Variants in VDAC2 observed in about 807,000 individuals in gnomAD.
VDAC2 encodes non-selective voltage-gated ion channel VDAC2.
VDAC2 carries 6 observed loss-of-function variants against 36.6 expected under a neutral mutation model. The ratio of observed to expected loss-of-function variants is 0.16; its 90% CI spans 0.09 to 0.32. The LOEUF (loss-of-function observed/expected upper bound fraction) is 0.32. Ranked by LOEUF, VDAC2 falls within the 10% of genes least tolerant of loss-of-function variation. VDAC2 has a pLI of 1.00. For synonymous variants in VDAC2, 109 were observed against 123.8 expected (o/e 0.88, Z 0.79); for missense variants, 247 against 346.0 (o/e 0.71, Z 2.27).
intron 4 of VDAC2, among the ~76,000 whole-genome samples, 173 bp from the exon 5 acceptor site, chr10:75,218,890 T>C (rs1053874977): frequency 2.6e-5 from 4 of 152,186 alleles, no homozygotes; most frequent in African/African-American, 7.2e-5. Flanking sequence ...GTCACTCTTA[T>C]ATATGCTTAG....
intron 8 of VDAC2, among the ~76,000 whole-genome samples, chr10:75,224,700 T>G (rs1841906181): frequency 6.6e-6 from 1 of 152,186 alleles, no homozygotes; most frequent in Admixed American, 6.5e-5. Context: ...GATTGTACCT[T>G]GATGCTAGAC....
At chr10:75,226,374 T>C (rs1841951790) in intron 8 of VDAC2, among the ~76,000 whole-genome samples, 1 of 152,006 alleles carries the variant, frequency 6.6e-6, no homozygotes, top group African/African-American at 2.4e-5. Context: ...GAGTGTATTT[T>C]GTTGAGATAT....
At chr10:75,211,378 A>G in intron 2 of VDAC2, 189 bp downstream of exon 2, 1 of 1,398,658 alleles carries the variant, frequency 7.1e-7, no homozygotes, top group East Asian at 2.6e-5. Flanking sequence ...ATGGGGAACA[A>G]GGCCCGGGGA....
Position 75,231,318 on chromosome 10 carries a change from A to G in VDAC2, c.*329A>G, listed in dbSNP as rs761599349. The stretch of plus-strand genomic sequence containing the variant: ...TTGTTTTTATGTTCCTTTAGAAAAC[A>G]TTGACTGTTACCATTGAATGAGATG... On this transcript the variant is annotated 3_prime_UTR_variant, in exon 10 of 10. Transcript: ENST00000332211. 26 of 185,892 alleles carry G rather than the reference A, an allele frequency of 1.4e-4. No individual in the cohort carries two copies. Among genetic ancestry groups the G allele is most frequent in the Non-Finnish European group, 2.8e-4 (25 of 88,416 alleles). The allele number at this position is 185,892 out of a possible 1,614,324, so 11.5% of individuals were successfully genotyped here.
At chr10:75,216,202 A>C (rs1383258270) in intron 4 of VDAC2, among the ~76,000 whole-genome samples, 1 of 152,182 alleles carries the variant, frequency 6.6e-6, no homozygotes, top group Non-Finnish European at 1.5e-5. Context: ...TGAGGCCCCT[A>C]GTGTATTTGT....
intron 4 of VDAC2, among the ~76,000 whole-genome samples, chr10:75,215,597 C>T (rs1841576857): frequency 6.6e-6 from 1 of 151,404 alleles, no homozygotes; most frequent in African/African-American, 2.4e-5. Context: ...CATGATCTGC[C>T]CACCTCGGGC....
intron 4 of VDAC2, 81 bp from the exon 5 acceptor site, chr10:75,218,982 T>TTGTGTG: frequency 1.5e-6 from 2 of 1,373,060 alleles, no homozygotes; most frequent in Non-Finnish European, 2.0e-6. Flanking sequence ...TTCAGGGGGT[T>TTGTGTG]TGTGTGTGTG....
chr10:75,230,869 TTTG>T lies in VDAC2; in HGVS notation c.794-26_794-24del, dbSNP rs372784125. 4 of 1,601,372 alleles carry T rather than the reference TTTG, an allele frequency of 2.5e-6. No homozygotes were observed. In the African/African-American group the frequency reaches 5.4e-5, roughly 22 times the overall value. On this transcript the variant is annotated intron_variant, in intron 9 of 9. Transcript: ENST00000332211. ...TGACGTGCCAGGTACATCACGGTTT[TTTG>T]TTTTTGTGTTTTTTTGTCTTAATAG...
At position 75,220,803 on chromosome 10, in the gene VDAC2, T is replaced by G; in HGVS notation, c.417T>G (p.Asp139Glu). ...YKRECINLGC[D>E]VDFDFAGPAI... ...GGGAGTGTATAAACCTTGGTTGTGA[T>G]GTTGACTTTGATTTTGCTGGACCTG... The change falls in exon 7 of 10, where the codon GAT becomes GAG. Residue 139 changes from aspartate to glutamate, a missense_variant. Coordinates refer to ENST00000332211, the MANE Select transcript of VDAC2 (RefSeq NM_001391963.1). 1 of 1,613,454 alleles carries G rather than the reference T, an allele frequency of 6.2e-7. No individual in the cohort carries two copies. The highest frequency in any genetic ancestry group is 8.5e-7 in the Non-Finnish European group (1 of 1,179,534).
intron 2 of VDAC2, 97 bp from the exon 3 acceptor site, chr10:75,212,133 G>A: frequency 9.3e-7 from 1 of 1,071,788 alleles, no homozygotes; most frequent in East Asian, 2.5e-5. Context: ...AAATGGGATT[G>A]CTTGAATTTT....
chr10:75,211,461 T>C, intron 2 of VDAC2: 3 of 1,502,744 alleles, frequency 2.0e-6, no homozygotes, highest in Non-Finnish European at 8.9e-7. Flanking sequence ...AAGTTGTTAA[T>C]TGGGGATTCT....
intron 8 of VDAC2, among the ~76,000 whole-genome samples, chr10:75,227,810 C>T (rs1842001706): frequency 6.6e-6 from 1 of 151,166 alleles, no homozygotes; most frequent in Admixed American, 6.6e-5. Flanking sequence ...TGGTCTTGAA[C>T]TCCTGACCTT....
chr10:75,212,937 T>G (rs1841474107), intron 3 of VDAC2, among the ~76,000 whole-genome samples: 1 of 152,188 alleles, frequency 6.6e-6, no homozygotes, highest in African/African-American at 2.4e-5. Context: ...TCCTAATACT[T>G]TATCTAGAGT....
intron 8 of VDAC2, among the ~76,000 whole-genome samples, chr10:75,227,511 C>T (rs1196082978): frequency 6.7e-6 from 1 of 150,016 alleles, no homozygotes; most frequent in Non-Finnish European, 1.5e-5. Context: ...GAGGGAGAAA[C>T]TGAGTTTATT....
chr10:75,227,928 T>C (rs1399588032), intron 8 of VDAC2, among the ~76,000 whole-genome samples: 2 of 148,640 alleles, frequency 1.3e-5, no homozygotes, highest in Non-Finnish European at 3.0e-5. Context: ...GGAGTCTCGC[T>C]CAGTAGCCCA....
At chr10:75,222,942 C>T (rs1337451099) in intron 8 of VDAC2, among the ~76,000 whole-genome samples, 1 of 151,486 alleles carries the variant, frequency 6.6e-6, no homozygotes, top group Non-Finnish European at 1.5e-5. Flanking sequence ...TAGGCATGAG[C>T]CACTGCACCT....
intron 4 of VDAC2, chr10:75,218,193 G>A: frequency 1.2e-5 from 4 of 330,976 alleles, no homozygotes; most frequent in South Asian, 9.4e-5. Context: ...GTCTCACTGT[G>A]TCACCCATGC....
At chr10:75,229,832 C>T in intron 9 of VDAC2, 131 bp downstream of exon 9, 1 of 596,748 alleles carries the variant, frequency 1.7e-6, no homozygotes. Context: ...TACGTGTTTA[C>T]CTTTTACCAC....
At chr10:75,211,745 TTTAAATTCCCAGTA>T in intron 2 of VDAC2, 8 of 1,480,292 alleles carry the variant, frequency 5.4e-6, no homozygotes, top group Non-Finnish European at 7.4e-6. Context: ...AGTTTCAATA[TTTAAATTCCCAGTA>T]TTAAATTCTC....
Sources: allele counts gnomAD v4.1 joint callset (sites outside exome capture counted in the v4.1 genomes callset), GRCh38; gene constraint gnomAD v4.1.1; transcripts MANE v1.5; gene names NCBI Gene and HGNC (gene_info 2026-07-23, HGNC 2026-07-21).